The following CTDSPL variants were observed in gnomAD, a reference collection of about 807,000 sequenced individuals.
The protein encoded by CTDSPL is CTD small phosphatase-like protein.
In CTDSPL, 8 loss-of-function variants were observed where a neutral mutation model predicts 30.5. The ratio of observed to expected loss-of-function variants is 0.26; its 90% CI spans 0.15 to 0.47. CTDSPL has a LOEUF of 0.47. Ranked by LOEUF, CTDSPL falls within the 20% of genes least tolerant of loss-of-function variation. The pLI, the probability that CTDSPL is intolerant of heterozygous loss-of-function variation, is 0.99. For missense variants in CTDSPL, 248 were observed against 366.1 expected, an observed-to-expected ratio of 0.68 and a Z score of 2.63; for synonymous variants, 110 against 137.9, an observed-to-expected ratio of 0.80 and a Z score of 1.42.
intron 2 of CTDSPL, chr3:37,954,888 G>C (rs1289681540): frequency 6.6e-6 from 1 of 152,246 alleles, no homozygotes; most frequent in African/African-American, 2.4e-5. Flanking sequence ...ACCTCATGCT[G>C]TATACACACA....
At chr3:37,929,077 C>G (rs1368514325) in intron 1 of CTDSPL, among the ~76,000 whole-genome samples, 2 of 152,166 alleles carry the variant, frequency 1.3e-5, no homozygotes, top group African/African-American at 4.8e-5. Context: ...TGTCAAAGAT[C>G]ATTTGACCGT....
At position 37,862,273 on chromosome 3, in the gene CTDSPL, A is replaced by T. The variant is rs1697950218; in HGVS notation, c.74A>T (p.Glu25Val). Residue 25 changes from glutamate to valine, a missense_variant, in exon 1 of 8, where the codon GAG (glutamate) becomes GTG (valine). Glu to Val is a moderately radical substitution (Grantham distance 121, BLOSUM62 -2). This residue lies in a region of CTDSPL where 118 missense variants were observed against 124.7 expected (regional missense o/e 0.95). Coordinates refer to ENST00000273179, the MANE Select transcript of CTDSPL (RefSeq NM_001008392.2). The surrounding 1 kb of genome is among the most constrained non-coding windows in gnomAD (Gnocchi z 4.3). ...GAGGGCCGGTTGCCGGGCGCGGGCG[A>T]GAAAGGTGAGGAGGGGCGCAGGCGG... ...EDEGRLPGAGEKASQCNVSLK... is the reference protein window; with the variant it reads ...EDEGRLPGAGVKASQCNVSLK... The T allele has an allele frequency of 6.7e-7, 1 of 1,493,564 alleles. No homozygotes were observed. Among genetic ancestry groups the T allele is most frequent in the Non-Finnish European group, 8.9e-7 (1 of 1,124,890 alleles). The allele number at this position is 1,493,564 out of a possible 1,614,324, so 92.5% of individuals were successfully genotyped here.
chr3:37,912,540 G>A lies in CTDSPL; in HGVS notation c.80-34517G>A, dbSNP rs542955087. Among the ~76,000 whole-genome samples, 35 of 152,326 alleles carry A rather than the reference G, an allele frequency of 2.3e-4. 1 individual carries two copies. In the South Asian group the frequency reaches 3.3e-3, roughly 14 times the overall value. Reference sequence around the variant, plus strand: ...GGAAAGAAGGGAAGTGATGCTAGCCGAGGCCAGCTGTGTGTTGGGGGGTAT... The same window carrying A: ...GGAAAGAAGGGAAGTGATGCTAGCCAAGGCCAGCTGTGTGTTGGGGGGTAT... On this transcript the variant is annotated intron_variant, in intron 1 of 7. Transcript: ENST00000273179.
At position 37,872,820 on chromosome 3, in the gene CTDSPL, G is replaced by T. The variant is rs137938962; in HGVS notation, c.79+10542G>T. 1.0e-3 allele frequency among the ~76,000 whole-genome samples: 154 copies of T among 152,062 alleles called. No homozygotes were observed. In the Middle Eastern group the frequency reaches 0.01, roughly 10 times the overall value. ...GATCTCTTGACCTCCTGATCTGCCC[G>T]CCCTGGCCTCCCAAAGTGCTGGGAT... On this transcript the variant is annotated intron_variant, in intron 1 of 7. Coordinates refer to ENST00000273179, the MANE Select transcript of CTDSPL (RefSeq NM_001008392.2).
At chr3:37,868,606 G>T (rs1698038786) in intron 1 of CTDSPL, among the ~76,000 whole-genome samples, 1 of 151,950 alleles carries the variant, frequency 6.6e-6, no homozygotes, top group African/African-American at 2.4e-5. Context: ...CTTTGGTTTG[G>T]TTTTTTGTCT....
At chr3:37,920,414 G>A (rs1445737175) in intron 1 of CTDSPL, among the ~76,000 whole-genome samples, 2 of 152,208 alleles carry the variant, frequency 1.3e-5, no homozygotes, top group Admixed American at 1.3e-4. Context: ...TGCTGCGACT[G>A]CATTAGGAGG....
chr3:37,942,730 T>C (rs1484903425), intron 1 of CTDSPL, among the ~76,000 whole-genome samples: 1 of 150,340 alleles, frequency 6.7e-6, no homozygotes, highest in Non-Finnish European at 1.5e-5. Context: ...AACCCTAAGA[T>C]GGGTATTTAT....
intron 1 of CTDSPL, among the ~76,000 whole-genome samples, chr3:37,864,830 A>C (rs1465182567): frequency 6.6e-6 from 1 of 152,090 alleles, no homozygotes; most frequent in African/African-American, 2.4e-5. Context: ...GAATATTTTA[A>C]ATATTTAAGT....
At chr3:37,908,298 T>C (rs1400177214) in intron 1 of CTDSPL, among the ~76,000 whole-genome samples, 3 of 152,184 alleles carry the variant, frequency 2.0e-5, no homozygotes, top group African/African-American at 4.8e-5. Flanking sequence ...AATCTCCTAA[T>C]AGAAAGTGGA....
chr3:37,865,467 A>G (rs1169941826), intron 1 of CTDSPL, among the ~76,000 whole-genome samples: 1 of 152,258 alleles, frequency 6.6e-6, no homozygotes, highest in African/African-American at 2.4e-5. Context: ...AAATGACTTA[A>G]TAGACTTTTG....
intron 1 of CTDSPL, among the ~76,000 whole-genome samples, chr3:37,868,104 A>AT: frequency 6.6e-6 from 1 of 152,214 alleles, no homozygotes; most frequent in African/African-American, 2.4e-5. Flanking sequence ...ACTATTTTTC[A>AT]TATTAGCCAT....
At chr3:37,895,088 G>A (rs1698375883) in intron 1 of CTDSPL, among the ~76,000 whole-genome samples, 1 of 152,036 alleles carries the variant, frequency 6.6e-6, no homozygotes, top group Non-Finnish European at 1.5e-5. Flanking sequence ...CTATTTATTT[G>A]TATGTTAAAT....
intron 3 of CTDSPL, among the ~76,000 whole-genome samples, chr3:37,958,802 G>A (rs993726475): frequency 5.9e-5 from 9 of 152,156 alleles, no homozygotes; most frequent in Non-Finnish European, 1.2e-4. Flanking sequence ...CAAGCTAAAG[G>A]AACTTGCACT....
chr3:37,983,985 G>A lies in CTDSPL; in HGVS notation c.*3118G>A. The A allele has an allele frequency of 4.2e-6, 1 of 240,900 alleles. No individual in the cohort carries two copies. Among genetic ancestry groups the A allele is most frequent in the Non-Finnish European group, 8.7e-6 (1 of 114,528 alleles). 14.9% of individuals were successfully genotyped at this position (240,900 alleles called of 1,614,324 possible). On this transcript the variant is annotated 3_prime_UTR_variant, in exon 8 of 8. Transcript: ENST00000273179. ...GTTAAAAAAAAAAACCTGTAAGTCTGTAACCTGGCAACATTTTACAACCCT... is the reference window on the plus strand; with the variant it reads ...GTTAAAAAAAAAAACCTGTAAGTCTATAACCTGGCAACATTTTACAACCCT...
intron 6 of CTDSPL, among the ~76,000 whole-genome samples, chr3:37,974,112 C>A (rs1401229517): frequency 6.6e-6 from 1 of 152,218 alleles, no homozygotes; most frequent in East Asian, 1.9e-4. Flanking sequence ...CAAGACAATT[C>A]TTCTTCCAAT....
chr3:37,976,502 C>T (rs985451945), intron 7 of CTDSPL, among the ~76,000 whole-genome samples: 5 of 151,838 alleles, frequency 3.3e-5, no homozygotes, highest in Admixed American at 6.6e-5. Flanking sequence ...GTTGGTGGCA[C>T]GCACCTGTAG....
intron 1 of CTDSPL, among the ~76,000 whole-genome samples, chr3:37,899,479 C>T (rs1575288303): frequency 6.6e-6 from 1 of 152,314 alleles, no homozygotes; most frequent in African/African-American, 2.4e-5. Flanking sequence ...GCCTGAATTA[C>T]GACCATCCTG....
chr3:37,882,441 C>CAA lies in CTDSPL; in HGVS notation c.79+20180_79+20181dup, dbSNP rs35235848. Reference sequence around the variant, plus strand: ...TGGGTGACAGAGCAAGACTCTAACTCAAAAAAAAAAAAAAAAAATTCAAAA... The same window carrying CAA: ...TGGGTGACAGAGCAAGACTCTAACTCAAAAAAAAAAAAAAAAAAAATTCAAAA... On this transcript the variant is annotated intron_variant, in intron 1 of 7. Coordinates refer to ENST00000273179, the MANE Select transcript of CTDSPL (RefSeq NM_001008392.2). 9.0e-3 allele frequency among the ~76,000 whole-genome samples: 1,090 copies of CAA among 120,786 alleles called. 18 individuals are homozygous for CAA. Among genetic ancestry groups the CAA allele is most frequent in the African/African-American group, 0.025 (768 of 31,138 alleles). The allele number at this position is 120,786 out of a possible 152,430, so 79.2% of individuals were successfully genotyped here. A position where few individuals can be genotyped will look rare whatever the true frequency, so the allele number is the denominator to read the frequency against.
At chr3:37,882,077 G>A (rs1223398681) in intron 1 of CTDSPL, among the ~76,000 whole-genome samples, 1 of 152,204 alleles carries the variant, frequency 6.6e-6, no homozygotes, top group Admixed American at 6.5e-5. Flanking sequence ...GGAGGCAAAG[G>A]CAGGTGGATC....
Sources: gnomAD v4.1 joint callset for allele counts (sites outside exome capture counted in the v4.1 genomes callset) on GRCh38, gnomAD v4.1.1 for gene constraint, gnomAD v4.1.1 regional missense constraint, Gnocchi (gnomAD v3.1) non-coding constraint, MANE v1.5 for transcripts, NCBI Gene and HGNC (gene_info 2026-07-23, HGNC 2026-07-21) for gene names.